KCNQ1: variants seen among roughly 807,000 people sequenced by gnomAD.
KCNQ1 encodes the protein potassium voltage-gated channel subfamily Q member 1.
A neutral mutation model predicts 72.4 loss-of-function variants in KCNQ1; 49 were observed. The ratio of observed to expected loss-of-function variants is 0.68; its 90% confidence interval spans 0.54 to 0.86. The LOEUF (loss-of-function observed/expected upper bound fraction) is 0.86, where lower values mean the gene tolerates loss of function less well. Among genes scored for constraint, KCNQ1 ranks in the 40% least tolerant of loss-of-function variants. KCNQ1 has a pLI of 0.00. For synonymous variants in KCNQ1, 450 were observed against 412.6 expected, an observed-to-expected ratio of 1.09 and a Z score of -1.10; for missense variants, 790 against 945.1, an observed-to-expected ratio of 0.84 and a Z score of 2.15.
In KCNQ1 at chr11:2,562,186, C is replaced by T. The variant is rs933677469; in HGVS notation, c.478-8442C>T. Among the ~76,000 whole-genome samples the T allele has an allele frequency of 4.6e-4, 14 of 30,502 alleles. No individual in the cohort carries two copies. Among genetic ancestry groups the T allele is most frequent in the Admixed American group, 1.6e-3 (4 of 2,436 alleles). 20.0% of individuals were successfully genotyped at this position (30,502 alleles called of 152,430 possible). A position where few individuals can be genotyped will look rare whatever the true frequency, so the allele number is the denominator to read the frequency against. On this transcript the variant is annotated intron_variant, in intron 2 of 15. Transcript: ENST00000155840. This position sits in a 1 kb window ranked among gnomAD's most constrained non-coding sequence, Gnocchi z 7.5. Reference sequence around the variant, plus strand: ...CTGCCCCAGGCCAGGCTACCTTGGGCGGGGTGGGGACTGGTACTCCCCGGG... The same window carrying T: ...CTGCCCCAGGCCAGGCTACCTTGGGTGGGGTGGGGACTGGTACTCCCCGGG...
chr11:2,518,660 C>A (rs1005135), intron 1 of KCNQ1, among the ~76,000 whole-genome samples: 2 of 152,076 alleles, frequency 1.3e-5, no homozygotes, highest in East Asian at 3.9e-4. Flanking sequence ...GCTGGCGGCT[C>A]TGTCTAACGG....
chr11:2,620,951 T>TTTC lies in KCNQ1; in HGVS notation c.1393+32099_1393+32100insCTT, dbSNP rs1554898449. 1 of 396,788 alleles carries TTTC rather than the reference T, an allele frequency of 2.5e-6. No individual in the cohort carries two copies. The highest frequency in any genetic ancestry group is 3.6e-5 in the East Asian group (1 of 28,070). The allele number at this position is 396,788 out of a possible 1,614,324, so 24.6% of individuals were successfully genotyped here. A position where few individuals can be genotyped will look rare whatever the true frequency, so the allele number is the denominator to read the frequency against. Reference sequence around the variant, plus strand: ...TTTGTTGTTGTTGTTTTGTTTTGTTTTTTTTTGTCTGTTTTTTGCTTTTTT... The same window carrying TTTC: ...TTTGTTGTTGTTGTTTTGTTTTGTTTTTCTTTTTTGTCTGTTTTTTGCTTTTTT... On this transcript the variant is annotated intron_variant, in intron 10 of 15. Coordinates refer to ENST00000155840, the MANE Select transcript of KCNQ1 (RefSeq NM_000218.3). The surrounding 1 kb of genome is among the most constrained non-coding windows in gnomAD (Gnocchi z 4.5).
At position 2,488,545 on chromosome 11, in the gene KCNQ1, T is replaced by A. The variant is rs950464073; in HGVS notation, c.387-39383T>A. The stretch of plus-strand genomic sequence containing the variant: ...AATCTCCTCACTAGTTATAGGTCCA[T>A]GAAGATTTTGTATTTCTTTGTGATT... On this transcript the variant is annotated intron_variant, in intron 1 of 15. Coordinates refer to ENST00000155840, the MANE Select transcript of KCNQ1 (RefSeq NM_000218.3). The surrounding 1 kb of genome is among the most constrained non-coding windows in gnomAD (Gnocchi z 5.1). 6.6e-6 allele frequency among the ~76,000 whole-genome samples: 1 copy of A among 152,238 alleles called. No individual in the cohort carries two copies. The highest frequency in any genetic ancestry group is 2.4e-5 in the African/African-American group (1 of 41,468).
chr11:2,696,033 T>C (rs1360768102), intron 11 of KCNQ1: 1 of 398,490 alleles, frequency 2.5e-6, no homozygotes, highest in Non-Finnish European at 4.4e-6. Context: ...AAACGCAAAT[T>C]GTTTCCTTAG....
rs1281020761 is a variant in KCNQ1 at position 2,458,848 on chromosome 11, A to G, written c.386+13364A>G. The stretch of plus-strand genomic sequence containing the variant: ...ACCTGATTTCCTCAGTAAGTCAATG[A>G]CCAAGAAATAACGGAGAGAAGGAGG... On this transcript the variant is annotated intron_variant, in intron 1 of 15. Transcript: ENST00000155840. The surrounding 1 kb of genome is among the most constrained non-coding windows in gnomAD (Gnocchi z 4.6). Among the ~76,000 whole-genome samples, 1 of 152,238 alleles carries G rather than the reference A, an allele frequency of 6.6e-6. No homozygotes were observed. Among genetic ancestry groups the G allele is most frequent in the African/African-American group, 2.4e-5 (1 of 41,462 alleles).
rs147115023 is a variant in KCNQ1, at chr11:2,565,193, G to A, written c.478-5435G>A. Among the ~76,000 whole-genome samples, 38 of 152,238 alleles carry A rather than the reference G, an allele frequency of 2.5e-4. No homozygotes were observed. In the East Asian group the frequency reaches 5.6e-3, roughly 22 times the overall value. ...TTTTAGGTTCACAGCAAAATCGAGC[G>A]GCTGGTCATTTCACGCTTTAAAGGA... On this transcript the variant is annotated intron_variant, in intron 2 of 15. Coordinates refer to ENST00000155840, the MANE Select transcript of KCNQ1 (RefSeq NM_000218.3). This position sits in a 1 kb window ranked among gnomAD's most constrained non-coding sequence, Gnocchi z 5.6.
In KCNQ1 at chr11:2,659,588, A is replaced by C. The variant is rs78848741; in HGVS notation, c.1394-2373A>C. Reference sequence around the variant, plus strand: ...CACATTTATGTACAGGTTTTTGCGAACATAAAAATTCAATTCACTTGGGTG... The same window carrying C: ...CACATTTATGTACAGGTTTTTGCGACCATAAAAATTCAATTCACTTGGGTG... On this transcript the variant is annotated intron_variant, in intron 10 of 15. Coordinates refer to ENST00000155840, the MANE Select transcript of KCNQ1 (RefSeq NM_000218.3). The surrounding 1 kb of genome is among the most constrained non-coding windows in gnomAD (Gnocchi z 4.3). 2,574 of 398,534 alleles carry C rather than the reference A, an allele frequency of 6.5e-3. 56 individuals are homozygous for C. Among genetic ancestry groups the C allele is most frequent in the African/African-American group, 0.045 (2,209 of 48,748 alleles). The allele number at this position is 398,534 out of a possible 1,614,324, so 24.7% of individuals were successfully genotyped here. A position where few individuals can be genotyped will look rare whatever the true frequency, so the allele number is the denominator to read the frequency against.
At chr11:2,504,262 G>A (rs570713346) in intron 1 of KCNQ1, among the ~76,000 whole-genome samples, 1 of 152,244 alleles carries the variant, frequency 6.6e-6, no homozygotes, top group South Asian at 2.1e-4. Context: ...TCACTTATTT[G>A]TGGGAGATAA....
chr11:2,680,395 C>T, intron 11 of KCNQ1: 1 of 398,298 alleles, frequency 2.5e-6, no homozygotes, highest in South Asian at 1.3e-4. Context: ...CAACATCCTT[C>T]CATATTTTTT....
At chr11:2,776,964 G>C (rs955877875) in intron 13 of KCNQ1, 22 bp from the exon 14 acceptor site, 1 of 1,613,496 alleles carries the variant, frequency 6.2e-7, no homozygotes, top group Non-Finnish European at 8.5e-7. Flanking sequence ...GTGTGAACTG[G>C]TGTCTGTGTC....
intron 1 of KCNQ1, among the ~76,000 whole-genome samples, chr11:2,460,376 G>A (rs1227966980): frequency 6.6e-6 from 1 of 152,226 alleles, no homozygotes; most frequent in African/African-American, 2.4e-5. Flanking sequence ...ATGCCCCAAG[G>A]GAGGAGCAGG....
At position 2,455,415 on chromosome 11, in the gene KCNQ1, A is replaced by T. The variant is rs577545653; in HGVS notation, c.386+9931A>T. On this transcript the variant is annotated intron_variant, in intron 1 of 15. Transcript: ENST00000155840. ...CCTGGCCAATCAGCAGCATTCTTAT[A>T]CACCAATGATGTTCAAACTCAGAGC... Among the ~76,000 whole-genome samples the T allele has an allele frequency of 6.6e-5, 10 of 152,340 alleles. No individual in the cohort carries two copies. In the South Asian group the frequency reaches 2.1e-3, roughly 32 times the overall value.
chr11:2,525,744 A>G (rs1319983997), intron 1 of KCNQ1, among the ~76,000 whole-genome samples: 1 of 152,176 alleles, frequency 6.6e-6, no homozygotes, highest in East Asian at 1.9e-4. Flanking sequence ...CGAATGTCCC[A>G]GTGGGGGAGT....
rs886346724 is a variant in KCNQ1 at position 2,537,039 on chromosome 11, A to C, written c.477+9021A>C. Among the ~76,000 whole-genome samples the C allele has an allele frequency of 3.3e-5, 5 of 151,950 alleles. No individual in the cohort carries two copies. Among genetic ancestry groups the C allele is most frequent in the Admixed American group, 6.5e-5 (1 of 15,274 alleles). ...ACTGGATTGGAGGCTACCCTACTCC[A>C]CTGTGACCCCCCTCCTAACTGATCA... is the stretch of plus-strand genomic sequence containing the variant. On this transcript the variant is annotated intron_variant, in intron 2 of 15. Coordinates refer to ENST00000155840, the MANE Select transcript of KCNQ1 (RefSeq NM_000218.3). This position sits in a 1 kb window ranked among gnomAD's most constrained non-coding sequence, Gnocchi z 5.2.
At chr11:2,514,903 C>T (rs1361608081) in intron 1 of KCNQ1, among the ~76,000 whole-genome samples, 2 of 152,194 alleles carry the variant, frequency 1.3e-5, no homozygotes, top group African/African-American at 4.8e-5. Context: ...CCCTGAGCCG[C>T]CAGTGGGTCG....
In KCNQ1 at chr11:2,670,553, C is replaced by G; in HGVS notation, c.1514+8472C>G. On this transcript the variant is annotated intron_variant, in intron 11 of 15. Transcript: ENST00000155840. This position sits in a 1 kb window ranked among gnomAD's most constrained non-coding sequence, Gnocchi z 4.9. ...AAGCCTCAAGAAGGATAGGGACTTG[C>G]CAGTATCACTGGGAGATAGGAGCAG... 2.5e-6 allele frequency: 1 copy of G among 397,952 alleles called. No homozygotes were observed. Among genetic ancestry groups the G allele is most frequent in the Non-Finnish European group, 4.4e-6 (1 of 225,954 alleles). The allele number at this position is 397,952 out of a possible 1,614,324, so 24.7% of individuals were successfully genotyped here.
intron 2 of KCNQ1, among the ~76,000 whole-genome samples, chr11:2,531,406 C>T (rs1031964191): frequency 6.6e-6 from 1 of 152,158 alleles, no homozygotes; most frequent in Non-Finnish European, 1.5e-5. Flanking sequence ...GGGCATGGAG[C>T]AGACCAGGTA....
Position 2,494,556 on chromosome 11 carries a change from AG to A in KCNQ1, c.387-33369del, listed in dbSNP as rs1280644997. Among the ~76,000 whole-genome samples the A allele has an allele frequency of 6.6e-6, 1 of 152,192 alleles. No homozygotes were observed. Among genetic ancestry groups the A allele is most frequent in the Non-Finnish European group, 1.5e-5 (1 of 68,036 alleles). On this transcript the variant is annotated intron_variant, in intron 1 of 15. Transcript: ENST00000155840. This position sits in a 1 kb window ranked among gnomAD's most constrained non-coding sequence, Gnocchi z 4.6. Reference sequence around the variant, plus strand: ...AGTTTATTGAGAGTTTTTGGCATGAAGGGATGTTGAATTTTGTCAAAGGCTT... The same window carrying A: ...AGTTTATTGAGAGTTTTTGGCATGAAGGATGTTGAATTTTGTCAAAGGCTT...
At chr11:2,539,694 A>G (rs1847792824) in intron 2 of KCNQ1, among the ~76,000 whole-genome samples, 1 of 152,192 alleles carries the variant, frequency 6.6e-6, no homozygotes. Flanking sequence ...CCCATAGTCC[A>G]GGACAAAAGT....
Sources: allele counts gnomAD v4.1 joint callset (sites outside exome capture counted in the v4.1 genomes callset), GRCh38; gene constraint gnomAD v4.1.1; non-coding constraint Gnocchi (gnomAD v3.1); transcripts MANE v1.5; gene names NCBI Gene and HGNC (gene_info 2026-07-23, HGNC 2026-07-21).